The following PLPP4 variants were observed in gnomAD, a reference collection of about 807,000 sequenced individuals.
The protein encoded by PLPP4 is phospholipid phosphatase 4, also known as diacylglycerol pyrophosphate like 2.
In PLPP4, 20 loss-of-function variants were observed where a neutral mutation model predicts 32.2. The observed-to-expected ratio is 0.62, with a 90% CI of 0.44 to 0.90. The LOEUF (loss-of-function observed/expected upper bound fraction) is 0.90, where lower values mean the gene tolerates loss of function less well. Ranked by LOEUF, PLPP4 falls within the 40% of genes least tolerant of loss-of-function variation. PLPP4 has a pLI of 0.00. For synonymous variants in PLPP4, 127 were observed against 133.0 expected (o/e 0.95, Z 0.31); for missense variants, 257 against 353.1 (o/e 0.73, Z 2.18).
At chr10:120,491,571 C>A (rs1324551240) in intron 1 of PLPP4, among the ~76,000 whole-genome samples, 1 of 152,164 alleles carries the variant, frequency 6.6e-6, no homozygotes, top group Non-Finnish European at 1.5e-5. Flanking sequence ...CTAAATATTT[C>A]CCAATAATAG....
intron 5 of PLPP4, among the ~76,000 whole-genome samples, chr10:120,525,728 G>A (rs899124422): frequency 1.3e-5 from 2 of 152,328 alleles, no homozygotes; most frequent in East Asian, 1.9e-4. Context: ...TTAGCTGCAT[G>A]TAGAATTCTA....
At chr10:120,566,487 C>T (rs1848696020) in intron 5 of PLPP4, among the ~76,000 whole-genome samples, 1 of 151,948 alleles carries the variant, frequency 6.6e-6, no homozygotes, top group South Asian at 2.1e-4. Context: ...AAGATGGAGA[C>T]AGGCAGGTGT....
intron 5 of PLPP4, among the ~76,000 whole-genome samples, chr10:120,541,561 T>C (rs1847340417): frequency 6.6e-6 from 1 of 152,192 alleles, no homozygotes; most frequent in Non-Finnish European, 1.5e-5. Context: ...CCATGGCATG[T>C]GTTTTGCTGT....
At chr10:120,461,320 A>T (rs1848036808) in intron 1 of PLPP4, among the ~76,000 whole-genome samples, 1 of 152,228 alleles carries the variant, frequency 6.6e-6, no homozygotes. Flanking sequence ...GACATCTGTT[A>T]GTTCAAGCAC....
chr10:120,518,010 A>G (rs1846001531), intron 3 of PLPP4, among the ~76,000 whole-genome samples: 1 of 152,212 alleles, frequency 6.6e-6, no homozygotes, highest in African/African-American at 2.4e-5. Flanking sequence ...TGCTTCTGTG[A>G]GGCATTTGAC....
intron 1 of PLPP4, among the ~76,000 whole-genome samples, chr10:120,459,728 C>T (rs1847955462): frequency 6.6e-6 from 1 of 152,100 alleles, no homozygotes; most frequent in African/African-American, 2.4e-5. Flanking sequence ...GAATTATCTG[C>T]GGGGAGAGGG....
intron 6 of PLPP4, among the ~76,000 whole-genome samples, chr10:120,579,173 T>A (rs1849362912): frequency 6.6e-6 from 1 of 152,134 alleles, no homozygotes; most frequent in South Asian, 2.1e-4. Context: ...CAGCCTCTCC[T>A]CTTGTGACTT....
At chr10:120,574,925 C>T (rs1849143015) in intron 5 of PLPP4, among the ~76,000 whole-genome samples, 1 of 152,068 alleles carries the variant, frequency 6.6e-6, no homozygotes, top group Non-Finnish European at 1.5e-5. Flanking sequence ...GTTTTGATCA[C>T]ATATAACCCT....
At chr10:120,484,262 C>T (rs1020924564) in intron 1 of PLPP4, among the ~76,000 whole-genome samples, 1 of 152,182 alleles carries the variant, frequency 6.6e-6, no homozygotes, top group Non-Finnish European at 1.5e-5. Context: ...TTTTACCTAA[C>T]AGTATATCAT....
chr10:120,500,495 T>C (rs1474011690), intron 1 of PLPP4, among the ~76,000 whole-genome samples: 1 of 152,126 alleles, frequency 6.6e-6, no homozygotes, highest in African/African-American at 2.4e-5. Context: ...CTCCCTGGAA[T>C]CTAGACTGAG....
In PLPP4 at chr10:120,547,138, G is replaced by A. The variant is rs895257443; in HGVS notation, c.445+26043G>A. On this transcript the variant is annotated intron_variant, in intron 5 of 6. Transcript: ENST00000398250. ...AATGATGAACATAGATAATGGAAATGAAAGTTATTTTTCTTCATTTTCTAA... is the reference window on the plus strand; with the variant it reads ...AATGATGAACATAGATAATGGAAATAAAAGTTATTTTTCTTCATTTTCTAA... 2.6e-5 allele frequency among the ~76,000 whole-genome samples: 4 copies of A among 151,930 alleles called. No individual in the cohort carries two copies. In the South Asian group the frequency reaches 6.2e-4, roughly 24 times the overall value.
At chr10:120,524,496 C>T (rs999796523) in intron 5 of PLPP4, among the ~76,000 whole-genome samples, 3 of 152,138 alleles carry the variant, frequency 2.0e-5, no homozygotes, top group Non-Finnish European at 2.9e-5. Context: ...AGATAATTGG[C>T]GGCTGGAATG....
chr10:120,572,774 A>C (rs1393013010), intron 5 of PLPP4, among the ~76,000 whole-genome samples: 1 of 152,246 alleles, frequency 6.6e-6, no homozygotes, highest in African/African-American at 2.4e-5. Context: ...ATGTAAATGA[A>C]TAGAAGGAAC....
intron 5 of PLPP4, among the ~76,000 whole-genome samples, chr10:120,552,565 C>T (rs1423185228): frequency 2.0e-5 from 3 of 152,222 alleles, no homozygotes; most frequent in Non-Finnish European, 2.9e-5. Context: ...TGCATATTTC[C>T]TGTGTTTCAC....
At chr10:120,477,318 T>C (rs1843979514) in intron 1 of PLPP4, among the ~76,000 whole-genome samples, 1 of 151,766 alleles carries the variant, frequency 6.6e-6, no homozygotes, top group African/African-American at 2.4e-5. Flanking sequence ...TTCTTTTTCC[T>C]TCTCAGAGAA....
At chr10:120,514,519 A>C (rs1845860143) in intron 3 of PLPP4, among the ~76,000 whole-genome samples, 1 of 152,206 alleles carries the variant, frequency 6.6e-6, no homozygotes, top group Non-Finnish European at 1.5e-5. Flanking sequence ...TTGGTAGTTA[A>C]GTGTTCATTA....
intron 5 of PLPP4, among the ~76,000 whole-genome samples, chr10:120,543,468 A>C (rs1439362196): frequency 6.6e-6 from 1 of 152,094 alleles, no homozygotes. Flanking sequence ...CTTTGGCATC[A>C]AGTCCAGATT....
At position 120,590,722 on chromosome 10, in the gene PLPP4, G is replaced by C. The variant is rs1849967596; in HGVS notation, c.*1220G>C. On this transcript the variant is annotated 3_prime_UTR_variant, in exon 7 of 7. Coordinates refer to ENST00000398250, the MANE Select transcript of PLPP4 (RefSeq NM_001030059.3). ...ACCATGTGGTTGTTCAGATTCCTGG[G>C]CCTGGGTGCTACGAGGTGATGCATC... Among the ~76,000 whole-genome samples the C allele has an allele frequency of 6.6e-6, 1 of 151,458 alleles. No individual in the cohort carries two copies. The highest frequency in any genetic ancestry group is 2.1e-4 in the South Asian group (1 of 4,788).
At chr10:120,465,956 G>A (rs759250124) in intron 1 of PLPP4, among the ~76,000 whole-genome samples, 1 of 152,072 alleles carries the variant, frequency 6.6e-6, no homozygotes, top group Non-Finnish European at 1.5e-5. Flanking sequence ...GGATATATGG[G>A]ATATTTATCA....
Sources: allele counts gnomAD v4.1 joint callset (sites outside exome capture counted in the v4.1 genomes callset), GRCh38; gene constraint gnomAD v4.1.1; transcripts MANE v1.5; gene names NCBI Gene and HGNC (gene_info 2026-07-23, HGNC 2026-07-21).